VSIG1: variants seen among roughly 807,000 people sequenced by gnomAD.
VSIG1 encodes V-set and immunoglobulin domain-containing protein 1.
VSIG1 carries 11 observed loss-of-function variants against 20.1 expected under a neutral mutation model. That is an observed-to-expected ratio of 0.55 (90% CI 0.34 to 0.91). VSIG1 has a LOEUF of 0.91. Ranked by LOEUF, VSIG1 falls within the 40% of genes least tolerant of loss-of-function variation. The pLI is 0.02. For missense variants in VSIG1, 283 were observed against 298.8 expected (o/e 0.95, Z 0.39); for synonymous variants, 126 against 116.7 (o/e 1.08, Z -0.52).
At chrX:108,061,617 A>T in intron 2 of VSIG1, 1 of 807,726 alleles carries the variant, frequency 1.2e-6, no homozygotes, top group Non-Finnish European at 1.8e-6. Flanking sequence ...TAGGAATGGG[A>T]TGGGAGGGTC....
chrX:108,073,328 G>C lies in VSIG1; in HGVS notation c.647G>C (p.Arg216Thr). The C allele has an allele frequency of 8.3e-7, 1 of 1,210,864 alleles. No homozygotes were observed. Residue 216 changes from arginine (R) to threonine (T), a missense_variant, in exon 5 of 7, where the codon AGA becomes ACA. By Grantham distance (71) the Arg-to-Thr change is moderately conservative. Transcript: ENST00000217957. ...QGYYQCTAIN[R>T]LGNSSCEIDL... ...TATTACCAGTGTACTGCCATCAACA[G>C]ACTTGGCAATAGTTCCTGCGAAATC...
chrX:108,061,538 A>G, intron 2 of VSIG1: 1 of 1,155,302 alleles, frequency 8.7e-7, no homozygotes, highest in Middle Eastern at 2.4e-4. Context: ...CCTCTGAGGT[A>G]AGAACACTTA....
At chrX:108,027,060 C>T in the VSIG1 span, among the ~76,000 whole-genome samples, 9 of 111,427 alleles carry the variant, frequency 8.1e-5, no homozygotes, top group African/African-American at 2.9e-4. Context: ...ATGGAAACCT[C>T]ATATATTATT....
intron 5 of VSIG1, 161 bp downstream of exon 5, chrX:108,073,530 C>A: frequency 1.7e-6 from 1 of 573,912 alleles, no homozygotes; most frequent in East Asian, 3.4e-5. Context: ...ATCCTAATAT[C>A]TAATGCTCAC....
At position 108,067,245 on chromosome X, in the gene VSIG1, C is replaced by T. The variant is rs372300235; in HGVS notation, c.412+111C>T. The T allele has an allele frequency of 1.3e-5, 10 of 796,991 alleles. No individual in the cohort carries two copies. In the African/African-American group the frequency reaches 1.7e-4, roughly 13 times the overall value. 65.7% of individuals were successfully genotyped at this position (796,991 alleles called of 1,213,427 possible). A position where few individuals can be genotyped will look rare whatever the true frequency, so the allele number is the denominator to read the frequency against. ...AAGTCTCTGTAGGTAAATATACTCCCTAATATTTTCATTATCAGGGAAATA... is the reference window on the plus strand; with the variant it reads ...AAGTCTCTGTAGGTAAATATACTCCTTAATATTTTCATTATCAGGGAAATA... On this transcript the variant is annotated intron_variant, in intron 3 of 6. Coordinates refer to ENST00000217957, the MANE Select transcript of VSIG1 (RefSeq NM_182607.5).
At chrX:108,061,678 A>T in intron 2 of VSIG1, 1 of 487,136 alleles carries the variant, frequency 2.1e-6, no homozygotes, top group African/African-American at 2.4e-5. Flanking sequence ...AAACTGGGAC[A>T]GTCTTGAGTT....
At chrX:108,059,682 A>G (rs953082046) in intron 2 of VSIG1, among the ~76,000 whole-genome samples, 3 of 112,258 alleles carry the variant, frequency 2.7e-5, no homozygotes, top group Non-Finnish European at 5.6e-5. Flanking sequence ...GTCAACTAAG[A>G]AATTATTGCC....
At chrX:108,032,841 C>A in the VSIG1 span, among the ~76,000 whole-genome samples, 1 of 111,815 alleles carries the variant, frequency 8.9e-6, no homozygotes, top group Admixed American at 9.5e-5. Context: ...CTTATCCAAC[C>A]ACCCATTGAA....
the VSIG1 span, among the ~76,000 whole-genome samples, chrX:108,036,588 CATACTT>C: frequency 8.9e-6 from 1 of 112,155 alleles, no homozygotes; most frequent in Non-Finnish European, 1.9e-5. Context: ...CAAGCTGACT[CATACTT>C]ATTGTTAAAA....
intron 1 of VSIG1, among the ~76,000 whole-genome samples, chrX:108,047,807 T>TACATATATATATACATATAC (rs2030627250): frequency 3.9e-5 from 2 of 50,843 alleles, no homozygotes; most frequent in Non-Finnish European, 7.4e-5. Flanking sequence ...TATATATATA[T>TACATATATATATACATATAC]ACATATATAT....
At chrX:108,064,673 A>G in intron 2 of VSIG1, 1 of 643,182 alleles carries the variant, frequency 1.6e-6, no homozygotes, top group Non-Finnish European at 1.9e-6. Context: ...ATCAAGCATC[A>G]GTATAAAACA....
chrX:108,056,275 T>C (rs765021271), intron 1 of VSIG1, among the ~76,000 whole-genome samples: 4 of 111,752 alleles, frequency 3.6e-5, no homozygotes, highest in Non-Finnish European at 7.5e-5. Context: ...TTGCCTCAAC[T>C]TGATAAAAAC....
At position 108,047,887 on chromosome X, in the gene VSIG1, C is replaced by CACACATATATATAT. The variant is rs2030650034; in HGVS notation, c.49+2710_49+2723dup. Among the ~76,000 whole-genome samples, 21 of 24,473 alleles carry CACACATATATATAT rather than the reference C, an allele frequency of 8.6e-4. 3 individuals are homozygous for CACACATATATATAT. Among genetic ancestry groups the CACACATATATATAT allele is most frequent in the African/African-American group, 3.6e-3 (14 of 3,836 alleles). The allele number at this position is 24,473 out of a possible 115,157, so 21.3% of individuals were successfully genotyped here. A position where few individuals can be genotyped will look rare whatever the true frequency, so the allele number is the denominator to read the frequency against. On this transcript the variant is annotated intron_variant, in intron 1 of 6. Coordinates refer to ENST00000217957, the MANE Select transcript of VSIG1 (RefSeq NM_182607.5). Reference sequence around the variant, plus strand: ...ATATATATACACATATATATATATACACACATATATATATATACACATATA... The same window carrying CACACATATATATAT: ...ATATATATACACATATATATATATACACACATATATATATACACATATATATATATACACATATA...
At chrX:108,046,064 G>A (rs1011956807) in intron 1 of VSIG1, among the ~76,000 whole-genome samples, 1 of 111,530 alleles carries the variant, frequency 9.0e-6, no homozygotes, top group African/African-American at 3.3e-5. Context: ...ATATACCGAA[G>A]TGCTCATGGT....
intron 5 of VSIG1, 136 bp from the exon 6 acceptor site, chrX:108,075,941 G>A: frequency 1.4e-6 from 1 of 709,454 alleles, no homozygotes; most frequent in Non-Finnish European, 2.0e-6. Context: ...AGAGTTCTAG[G>A]GGTTTCCATT....
rs766107096 is a variant in VSIG1 at position 108,070,471 on chromosome X, A to C, written c.413-2206A>C. ...ATAAAAGGAGAAAAATATTCTAAGC[A>C]AAAAAAATGCCTATCTGGGTTTGAT... On this transcript the variant is annotated intron_variant, in intron 3 of 6. Transcript: ENST00000217957. Among the ~76,000 whole-genome samples the C allele has an allele frequency of 6.3e-5, 7 of 111,912 alleles. No individual in the cohort carries two copies. In the East Asian group the frequency reaches 1.7e-3, roughly 27 times the overall value.
chrX:108,042,235 C>G (rs1008661895), upstream of VSIG1, among the ~76,000 whole-genome samples: 4 of 111,712 alleles, frequency 3.6e-5, no homozygotes, highest in African/African-American at 1.3e-4. Context: ...CTTAAATATT[C>G]CAGAGTGTTT....
chrX:108,028,901 A>G, the VSIG1 span, among the ~76,000 whole-genome samples: 2 of 111,556 alleles, frequency 1.8e-5, no homozygotes, highest in East Asian at 5.6e-4. Context: ...AATGATGGAG[A>G]GTGTGTCTCC....
intron 2 of VSIG1, among the ~76,000 whole-genome samples, chrX:108,063,629 A>G (rs745355352): frequency 6.3e-5 from 7 of 111,099 alleles, no homozygotes; most frequent in African/African-American, 9.8e-5. Flanking sequence ...CATATTTCCA[A>G]TATCCATCGG....
Sources: gnomAD v4.1 joint callset for allele counts (sites outside exome capture counted in the v4.1 genomes callset) on GRCh38, gnomAD v4.1.1 for gene constraint, MANE v1.5 for transcripts, NCBI Gene and HGNC (gene_info 2026-07-23, HGNC 2026-07-21) for gene names.